Variants in RPL23 observed in about 807,000 individuals in gnomAD.
RPL23 encodes ribosomal protein L23.
For missense variants in RPL23, 79 were observed against 178.8 expected, an observed-to-expected ratio of 0.44 and a Z score of 3.18; for synonymous variants, 63 against 65.3, an observed-to-expected ratio of 0.97 and a Z score of 0.17.
chr17:38,850,639 G>A (rs1912974669), intron 3 of RPL23, 164 bp from the exon 4 acceptor site: 1 of 584,054 alleles, frequency 1.7e-6, no homozygotes, highest in Non-Finnish European at 3.0e-6. Flanking sequence ...CTAGTATCTT[G>A]GACTACAGGT....
rs767221646 is a variant in RPL23 at position 38,847,974 on chromosome 17, CAGG to C, written c.*2155_*2157del. 2.6e-6 allele frequency: 4 copies of C among 1,550,032 alleles called. No individual in the cohort carries two copies. The highest frequency in any genetic ancestry group is 2.4e-5 in the South Asian group (2 of 83,972). On this transcript the variant is annotated 3_prime_UTR_variant, in exon 5 of 5. Coordinates refer to ENST00000479035, the MANE Select transcript of RPL23 (RefSeq NM_000978.4). ...AATTGCAGCCCTTTGAAGGCCACAG[CAGG>C]AGGATTCCAAGTCCAGCAGTTCAAA...
intron 4 of RPL23, 44 bp downstream of exon 4, chr17:38,850,318 C>T (rs1490164284): frequency 1.1e-5 from 17 of 1,579,210 alleles, no homozygotes; most frequent in Non-Finnish European, 1.5e-5. Context: ...AGACAATCCA[C>T]CCAACCTCAG....
intron 2 of RPL23, 56 bp from the exon 3 acceptor site, chr17:38,852,788 T>C: frequency 6.2e-7 from 1 of 1,612,400 alleles, no homozygotes; most frequent in Non-Finnish European, 8.5e-7. Context: ...GGCCGTTCCA[T>C]CAGTATAACA....
Position 38,850,064 on chromosome 17 carries a change from G to T in RPL23, c.*68C>A. On this transcript the variant is annotated 3_prime_UTR_variant, in exon 5 of 5. Transcript: ENST00000479035. ...ACCCTGGAAGTGAACAGGGAGACAA[G>T]CACTGCAAACAAATACTTTTTAATG... 2 of 1,176,458 alleles carry T rather than the reference G, an allele frequency of 1.7e-6. No homozygotes were observed. Among genetic ancestry groups the T allele is most frequent in the Non-Finnish European group, 1.2e-6 (1 of 823,234 alleles). The allele number at this position is 1,176,458 out of a possible 1,614,324, so 72.9% of individuals were successfully genotyped here.
chr17:38,848,245 T>A lies in RPL23; in HGVS notation c.*1887A>T, dbSNP rs1567685676. 1.6e-6 allele frequency: 1 copy of A among 639,706 alleles called. No individual in the cohort carries two copies. Among genetic ancestry groups the A allele is most frequent in the Non-Finnish European group, 2.2e-6 (1 of 452,756 alleles). 39.6% of individuals were successfully genotyped at this position (639,706 alleles called of 1,614,324 possible). A position where few individuals can be genotyped will look rare whatever the true frequency, so the allele number is the denominator to read the frequency against. ...TCTCTAAAACTAGAGATTTAATACA[T>A]TTTTTTTCTTTCCCCCCAGAGTTTC... On this transcript the variant is annotated 3_prime_UTR_variant, in exon 5 of 5. Coordinates refer to ENST00000479035, the MANE Select transcript of RPL23 (RefSeq NM_000978.4).
chr17:38,853,656 G>A (rs1913072012), intron 1 of RPL23, 42 bp downstream of exon 1: 17 of 1,613,864 alleles, frequency 1.1e-5, no homozygotes, highest in African/African-American at 1.3e-5. Flanking sequence ...GCCAGCCACT[G>A]CACGACAGAT....
intron 3 of RPL23, chr17:38,851,157 G>A (rs1346386106): frequency 6.6e-6 from 1 of 152,212 alleles, no homozygotes; most frequent in African/African-American, 2.4e-5. Context: ...TGCTTGTGAA[G>A]AACTATTGTA....
chr17:38,853,454 C>G (rs947523275), intron 1 of RPL23: 8 of 718,342 alleles, frequency 1.1e-5, no homozygotes, highest in Non-Finnish European at 2.1e-5. Context: ...ATTACGATAG[C>G]CCTATTCGCG....
rs1452162983 is a variant in RPL23 at position 38,850,090 on chromosome 17, G to C, written c.*42C>G. 5 of 1,364,764 alleles carry C rather than the reference G, an allele frequency of 3.7e-6. No individual in the cohort carries two copies. Among genetic ancestry groups the C allele is most frequent in the Non-Finnish European group, 4.9e-6 (5 of 1,016,846 alleles). The allele number at this position is 1,364,764 out of a possible 1,614,324, so 84.5% of individuals were successfully genotyped here. A position where few individuals can be genotyped will look rare whatever the true frequency, so the allele number is the denominator to read the frequency against. ...CACTGCAAACAAATACTTTTTAATGGGTTTAGTTTTTTTTTTTATTTTTTA... is the reference window on the plus strand; with the variant it reads ...CACTGCAAACAAATACTTTTTAATGCGTTTAGTTTTTTTTTTTATTTTTTA... On this transcript the variant is annotated 3_prime_UTR_variant, in exon 5 of 5. Transcript: ENST00000479035.
chr17:38,853,181 C>A, intron 1 of RPL23, 76 bp from the exon 2 acceptor site: 1 of 1,127,774 alleles, frequency 8.9e-7, no homozygotes. Flanking sequence ...CCCTCATACT[C>A]AAGCTGTAAT....
At chr17:38,850,297 C>T (rs751077654) in intron 4 of RPL23, 65 bp downstream of exon 4, 4 of 1,552,782 alleles carry the variant, frequency 2.6e-6, no homozygotes, top group Non-Finnish European at 3.5e-6. Context: ...AGATCCTTGG[C>T]CTGTACTTCT....
At position 38,850,061 on chromosome 17, in the gene RPL23, C is replaced by G; in HGVS notation, c.*71G>C. The G allele has an allele frequency of 8.6e-7, 1 of 1,158,446 alleles. No individual in the cohort carries two copies. The highest frequency in any genetic ancestry group is 1.2e-6 in the Non-Finnish European group (1 of 809,764). The allele number at this position is 1,158,446 out of a possible 1,614,324, so 71.8% of individuals were successfully genotyped here. On this transcript the variant is annotated 3_prime_UTR_variant, in exon 5 of 5. Coordinates refer to ENST00000479035, the MANE Select transcript of RPL23 (RefSeq NM_000978.4). ...TGAACCCTGGAAGTGAACAGGGAGA[C>G]AAGCACTGCAAACAAATACTTTTTA...
In RPL23 at chr17:38,847,900, A is replaced by C. The variant is rs867205455; in HGVS notation, c.*2232T>G. On this transcript the variant is annotated 3_prime_UTR_variant, in exon 5 of 5. Transcript: ENST00000479035. ...AAGTTTTTTAATCCAAGTCAAAAAA[A>C]ATCTCCAAAGAATAAAATGTGAGGT... is the stretch of plus-strand genomic sequence containing the variant. The C allele has an allele frequency of 1.3e-6, 2 of 1,498,866 alleles. No individual in the cohort carries two copies. Among genetic ancestry groups the C allele is most frequent in the Middle Eastern group, 3.5e-4 (2 of 5,752 alleles). 92.8% of individuals were successfully genotyped at this position (1,498,866 alleles called of 1,614,324 possible).
Position 38,847,878 on chromosome 17 carries a change from T to G in RPL23, c.*2254A>C, listed in dbSNP as rs1254538044. On this transcript the variant is annotated 3_prime_UTR_variant, in exon 5 of 5. Transcript: ENST00000479035. ...CATTTAGTGAAGTGTAAATATAAAGTTTTTTAATCCAAGTCAAAAAAAATC... is the reference window on the plus strand; with the variant it reads ...CATTTAGTGAAGTGTAAATATAAAGGTTTTTAATCCAAGTCAAAAAAAATC... 1 of 1,481,588 alleles carries G rather than the reference T, an allele frequency of 6.7e-7. No homozygotes were observed. Among genetic ancestry groups the G allele is most frequent in the East Asian group, 2.5e-5 (1 of 39,460 alleles). 91.8% of individuals were successfully genotyped at this position (1,481,588 alleles called of 1,614,324 possible).
At chr17:38,853,598 G>A in intron 1 of RPL23, 100 bp downstream of exon 1, 2 of 1,454,164 alleles carry the variant, frequency 1.4e-6, no homozygotes, top group Non-Finnish European at 1.9e-6. Flanking sequence ...CGGCCTGAAG[G>A]AGAGCAAAGC....
chr17:38,851,539 G>A (rs1913002441), intron 3 of RPL23: 1 of 152,184 alleles, frequency 6.6e-6, no homozygotes, highest in African/African-American at 2.4e-5. Flanking sequence ...TCCCACCACT[G>A]ACTGAGACCA....
chr17:38,853,449 G>A (rs1427084138), intron 1 of RPL23: 1 of 717,810 alleles, frequency 1.4e-6, no homozygotes, highest in African/African-American at 1.7e-5. Flanking sequence ...ACCCCATTAC[G>A]ATAGCCCTAT....
chr17:38,850,017 C>A lies in RPL23; in HGVS notation c.*115G>T, dbSNP rs1912955658. 2.8e-6 allele frequency: 2 copies of A among 721,174 alleles called. No individual in the cohort carries two copies. The highest frequency in any genetic ancestry group is 5.9e-5 in the East Asian group (2 of 33,834). The allele number at this position is 721,174 out of a possible 1,614,324, so 44.7% of individuals were successfully genotyped here. ...CCTGTAATCCCAGCTACTTAGGAGGCTGAGGCAGGAGAATCGCTTGAACCC... is the reference window on the plus strand; with the variant it reads ...CCTGTAATCCCAGCTACTTAGGAGGATGAGGCAGGAGAATCGCTTGAACCC... On this transcript the variant is annotated 3_prime_UTR_variant, in exon 5 of 5. Transcript: ENST00000479035.
At position 38,850,183 on chromosome 17, in the gene RPL23, C is replaced by T. The variant is rs555027604; in HGVS notation, c.372G>A (p.Glu124=). Reference sequence around the variant, plus strand: ...CAATCCGGGGCCACAAGTCTGCACACTCCTTTGCTACTGGTCCTGTAATGG... The same window carrying T: ...CAATCCGGGGCCACAAGTCTGCACATTCCTTTGCTACTGGTCCTGTAATGG... ...GSAITGPVAK[E]CADLWPRIAS... is the part of the protein sequence containing the mutation. Residue 124 remains glutamate, a synonymous_variant, in exon 5 of 5, where the codon GAG becomes GAA. Transcript: ENST00000479035. 29 of 1,606,946 alleles carry T rather than the reference C, an allele frequency of 1.8e-5. No homozygotes were observed. Among genetic ancestry groups the T allele is most frequent in the Middle Eastern group, 2.2e-4 (1 of 4,536 alleles).
Sources: gnomAD v4.1 joint callset for allele counts on GRCh38, gnomAD v4.1.1 for gene constraint, MANE v1.5 for transcripts, NCBI Gene and HGNC (gene_info 2026-07-23, HGNC 2026-07-21) for gene names.